RET: variants seen among roughly 807,000 people sequenced by gnomAD.
RET encodes the protein ret proto-oncogene.
In RET, 19 loss-of-function variants were observed where a neutral mutation model predicts 118.3. The ratio of observed to expected loss-of-function variants is 0.16; its 90% confidence interval spans 0.11 to 0.24. The LOEUF is 0.24. Among genes scored for constraint, RET ranks in the 10% least tolerant of loss-of-function variants. The pLI is 1.00. For synonymous variants in RET, 597 were observed against 644.1 expected (o/e 0.93, Z 1.11); for missense variants, 1,219 against 1,502.1 (o/e 0.81, Z 3.12).
rs1838158368 is a variant in RET at position 43,119,612 on chromosome 10, G to T, written c.2474G>T (p.Gly825Val). 1 of 1,612,776 alleles carries T rather than the reference G, an allele frequency of 6.2e-7. No individual in the cohort carries two copies. Among genetic ancestry groups the T allele is most frequent in the Middle Eastern group, 1.7e-4 (1 of 5,994 alleles). ...CGCGAGAGCCGCAAAGTGGGGCCTG[G>T]CTACCTGGGCAGTGGAGGCAGCCGC... ...FLRESRKVGPGYLGSGGSRNS... is the reference protein window; with the variant it reads ...FLRESRKVGPVYLGSGGSRNS... Residue 825 changes from glycine (G) to valine (V), a missense_variant, in exon 14 of 20, where the codon GGC becomes GTC. Transcript: ENST00000355710.
intron 1 of RET, among the ~76,000 whole-genome samples, chr10:43,085,719 C>G (rs1837275426): frequency 1.9e-5 from 2 of 107,966 alleles, no homozygotes; most frequent in African/African-American, 6.0e-5. Flanking sequence ...CAGATGAAGA[C>G]TTGGCACCAC....
At chr10:43,088,985 T>A (rs1225224840) in intron 1 of RET, among the ~76,000 whole-genome samples, 2 of 152,220 alleles carry the variant, frequency 1.3e-5, no homozygotes, top group East Asian at 3.9e-4. Flanking sequence ...TGGCTCCTGC[T>A]TGTGGCTGCA....
chr10:43,107,724 G>A (rs2132731406), intron 5 of RET, among the ~76,000 whole-genome samples: 1 of 152,266 alleles, frequency 6.6e-6, no homozygotes, highest in East Asian at 1.9e-4. Flanking sequence ...TGGTCCCCAG[G>A]TCCAAGGTGG....
In RET at chr10:43,111,350, C is replaced by G. The variant is rs1357302036; in HGVS notation, c.1407C>G (p.Asp469Glu). Reference sequence around the variant, plus strand: ...CCTCGGGGATCCTGTTTGTGAATGACACCAAGGCCCTGCGGCGGCCCAAGT... The same window carrying G: ...CCTCGGGGATCCTGTTTGTGAATGAGACCAAGGCCCTGCGGCGGCCCAAGT... ...EDTSGILFVN[D>E]TKALRRPKCA... is the part of the protein sequence containing the mutation. The change falls in exon 7 of 20, where the codon GAC becomes GAG. Residue 469 changes from aspartate to glutamate, a missense_variant. This residue lies in a region of RET where 850 missense variants were observed against 969.6 expected (regional missense o/e 0.88). Coordinates refer to ENST00000355710, the MANE Select transcript of RET (RefSeq NM_020975.6). 12 of 1,613,992 alleles carry G rather than the reference C, an allele frequency of 7.4e-6. No individual in the cohort carries two copies. The highest frequency in any genetic ancestry group is 1.0e-5 in the Non-Finnish European group (12 of 1,180,054).
At chr10:43,124,804 G>A (rs759572905) in intron 17 of RET, 79 bp from the exon 18 acceptor site, 18 of 1,357,486 alleles carry the variant, frequency 1.3e-5, no homozygotes, top group Non-Finnish European at 1.9e-5. Flanking sequence ...ACAGGGCAGG[G>A]TGCGATGGCT....
At chr10:43,127,576 G>A (rs957788509) in intron 19 of RET, 5 of 746,870 alleles carry the variant, frequency 6.7e-6, no homozygotes, top group Non-Finnish European at 6.6e-6. Context: ...AAGCTGAGAC[G>A]GTTCCTTTTG....
intron 16 of RET, 38 bp downstream of exon 16, chr10:43,122,054 A>C (rs770714368): frequency 6.6e-7 from 1 of 1,525,932 alleles, no homozygotes; most frequent in Admixed American, 1.7e-5. Context: ...TGGAGGTTAC[A>C]GAAACACCCT....
Position 43,102,574 on chromosome 10 carries a change from G to C in RET, c.570G>C (p.Leu190=), listed in dbSNP as rs2132683840. ...CAGGCACCTTCCACCAGTTCCGCCT[G>C]CTGCCTGTGCAGTTCTTGTGCCCCA... ...RPPGTFHQFR[L]LPVQFLCPNI... The change falls in exon 3 of 20, where the codon CTG becomes CTC. Residue 190 remains leucine, a synonymous_variant. Transcript: ENST00000355710. The C allele has an allele frequency of 6.2e-7, 1 of 1,614,212 alleles. No homozygotes were observed. The highest frequency in any genetic ancestry group is 8.5e-7 in the Non-Finnish European group (1 of 1,180,046).
At chr10:43,085,499 G>A (rs1757162565) in intron 1 of RET, among the ~76,000 whole-genome samples, 1 of 152,312 alleles carries the variant, frequency 6.6e-6, no homozygotes, top group Middle Eastern at 3.4e-3. Context: ...GCCAGAGCCT[G>A]TCCTGATTTC....
chr10:43,089,959 C>T (rs1344341224), intron 1 of RET, among the ~76,000 whole-genome samples: 4 of 152,196 alleles, frequency 2.6e-5, no homozygotes, highest in African/African-American at 7.2e-5. Context: ...GTGGGCAGGA[C>T]TCCCACAGGT....
intron 6 of RET, among the ~76,000 whole-genome samples, chr10:43,110,131 C>T (rs1837883211): frequency 1.3e-5 from 2 of 152,056 alleles, no homozygotes; most frequent in Admixed American, 1.3e-4. Flanking sequence ...GGATCAGAGA[C>T]AGAGGGGCGA....
chr10:43,080,877 G>C (rs879314798), intron 1 of RET, among the ~76,000 whole-genome samples: 1 of 152,208 alleles, frequency 6.6e-6, no homozygotes, highest in Non-Finnish European at 1.5e-5. Context: ...TGTTCGGCTG[G>C]GACACCAGGC....
At chr10:43,079,399 C>T (rs568425970) in intron 1 of RET, among the ~76,000 whole-genome samples, 237 of 152,336 alleles carry the variant, frequency 1.6e-3, no homozygotes, top group African/African-American at 5.4e-3. Context: ...AGCCTGTCAG[C>T]CCCAGGTATG....
chr10:43,122,072 G>A (rs2132988331), intron 16 of RET, 56 bp downstream of exon 16: 1 of 1,384,466 alleles, frequency 7.2e-7, no homozygotes, highest in Non-Finnish European at 1.0e-6. Context: ...CCTTATACAT[G>A]TAGTGGGGCC....
intron 14 of RET, 103 bp downstream of exon 14, chr10:43,119,848 C>A: frequency 7.4e-7 from 1 of 1,359,682 alleles, no homozygotes; most frequent in Non-Finnish European, 1.0e-6. Flanking sequence ...CCCCACCATG[C>A]CACACTCTAG....
At chr10:43,127,168 A>C (rs1365813781) in intron 19 of RET, 2 of 1,101,004 alleles carry the variant, frequency 1.8e-6, no homozygotes, top group East Asian at 4.7e-5. Context: ...GTTCCCCCAG[A>C]CCCCTCCTGG....
chr10:43,129,815 T>A lies in RET; in HGVS notation c.*1546T>A, dbSNP rs1204295965. ...ACACCCAGAGGGAGAGTTTGAAAAA[T>A]GCTTATTGGACACGTAACCTGGCTC... is the stretch of plus-strand genomic sequence containing the variant. On this transcript the variant is annotated 3_prime_UTR_variant, in exon 20 of 20. Coordinates refer to ENST00000355710, the MANE Select transcript of RET (RefSeq NM_020975.6). The A allele has an allele frequency of 5.2e-6, 2 of 382,394 alleles. No individual in the cohort carries two copies. Among genetic ancestry groups the A allele is most frequent in the Non-Finnish European group, 4.6e-6 (1 of 217,264 alleles). 23.7% of individuals were successfully genotyped at this position (382,394 alleles called of 1,614,324 possible). A position where few individuals can be genotyped will look rare whatever the true frequency, so the allele number is the denominator to read the frequency against.
At chr10:43,100,402 T>TG in intron 1 of RET, 57 bp from the exon 2 acceptor site, 4 of 1,540,370 alleles carry the variant, frequency 2.6e-6, no homozygotes, top group Admixed American at 1.7e-5. Flanking sequence ...TTTTTTTTTT[T>TG]GTCCTTGAAG....
At chr10:43,097,402 G>C (rs1035830547) in intron 1 of RET, among the ~76,000 whole-genome samples, 14 of 152,176 alleles carry the variant, frequency 9.2e-5, no homozygotes, top group African/African-American at 3.4e-4. Flanking sequence ...GTGTGTCCCA[G>C]AGAAAACTAG....
Sources: allele counts gnomAD v4.1 joint callset (sites outside exome capture counted in the v4.1 genomes callset), GRCh38; gene constraint gnomAD v4.1.1; regional missense constraint gnomAD v4.1.1; transcripts MANE v1.5; gene names NCBI Gene and HGNC (gene_info 2026-07-23, HGNC 2026-07-21).